Variants in NCOA2 observed in about 807,000 individuals in gnomAD.
The protein encoded by NCOA2 is nuclear receptor coactivator 2.
In NCOA2, 21 loss-of-function variants were observed where a neutral mutation model predicts 145.1. That is an observed-to-expected ratio of 0.14 (90% CI 0.10 to 0.21). The LOEUF is 0.21. Among genes scored for constraint, NCOA2 ranks in the 10% least tolerant of loss-of-function variants. NCOA2 has a pLI of 1.00. For synonymous variants in NCOA2, 619 were observed against 637.5 expected (o/e 0.97, Z 0.44); for missense variants, 1,472 against 1,837.6 (o/e 0.80, Z 3.64).
chr8:70,356,831 A>G (rs895656915), intron 1 of NCOA2, among the ~76,000 whole-genome samples: 2 of 152,200 alleles, frequency 1.3e-5, no homozygotes, highest in African/African-American at 2.4e-5. Context: ...TTTAGCTACC[A>G]AAATATTTGA....
At position 70,165,554 on chromosome 8, in the gene NCOA2, C is replaced by T. The variant is rs1813512936; in HGVS notation, c.730+1012G>A. On this transcript the variant is annotated intron_variant, in intron 7 of 22. Transcript: ENST00000452400. ...TCCCCACGCACAATGCACTCTTCAA[C>T]ACTGCCTTGTATTAGAGTGACACTC... 2.0e-5 allele frequency among the ~76,000 whole-genome samples: 3 copies of T among 152,206 alleles called. 1 individual carries two copies. The highest frequency in any genetic ancestry group is 4.1e-4 in the South Asian group (2 of 4,828).
intron 6 of NCOA2, 46 bp from the exon 7 acceptor site, chr8:70,166,800 A>C: frequency 6.5e-7 from 1 of 1,528,462 alleles, no homozygotes; most frequent in Non-Finnish European, 9.0e-7. Context: ...AACAAACATC[A>C]GATTCATTGC....
intron 1 of NCOA2, among the ~76,000 whole-genome samples, chr8:70,360,366 T>G (rs1810092212): frequency 6.6e-6 from 1 of 152,212 alleles, no homozygotes; most frequent in Admixed American, 6.5e-5. Context: ...CCTTTCAAGT[T>G]AGTGAAGTCC....
chr8:70,282,451 C>T (rs1218546192), intron 2 of NCOA2, among the ~76,000 whole-genome samples: 2 of 152,054 alleles, frequency 1.3e-5, no homozygotes, highest in African/African-American at 2.4e-5. Context: ...TTTGGGAGGC[C>T]GAGACAGGTG....
Position 70,138,245 on chromosome 8 carries a change from C to G in NCOA2, c.3116G>C (p.Ser1039Thr). ...PPNQTAPWPE[S>T]ILPIDQASFA... ...AGACGCCTGGTCTATAGGCAGGATG[C>G]TTTCAGGCCATGGGGCAGTCTGATT... The change falls in exon 15 of 23, where the codon AGC becomes ACC. Residue 1039 changes from serine to threonine, a missense_variant. By Grantham distance (58) the Ser-to-Thr change is moderately conservative (BLOSUM62 1). This residue lies in a region of NCOA2 where 953 missense variants were observed against 1,062.1 expected (regional missense o/e 0.90). Coordinates refer to ENST00000452400, the MANE Select transcript of NCOA2 (RefSeq NM_006540.4). 6.2e-7 allele frequency: 1 copy of G among 1,613,730 alleles called. No homozygotes were observed. The highest frequency in any genetic ancestry group is 8.5e-7 in the Non-Finnish European group (1 of 1,179,748).
chr8:70,178,291 T>C (rs1030222597), intron 4 of NCOA2, among the ~76,000 whole-genome samples: 3 of 152,248 alleles, frequency 2.0e-5, no homozygotes, highest in East Asian at 1.9e-4. Context: ...ACAATTTAAA[T>C]TGGGAGATGA....
intron 1 of NCOA2, among the ~76,000 whole-genome samples, chr8:70,353,962 T>C (rs1045164539): frequency 6.6e-6 from 1 of 152,172 alleles, no homozygotes; most frequent in Non-Finnish European, 1.5e-5. Flanking sequence ...TTAATCTCCC[T>C]AATTGCATGC....
rs555666307 is a variant in NCOA2 at position 70,391,295 on chromosome 8, T to C, written c.-77+12405A>G. Among the ~76,000 whole-genome samples, 6 of 152,362 alleles carry C rather than the reference T, an allele frequency of 3.9e-5. No homozygotes were observed. In the South Asian group the frequency reaches 1.2e-3, roughly 32 times the overall value. On this transcript the variant is annotated intron_variant, in intron 1 of 22. Coordinates refer to ENST00000452400, the MANE Select transcript of NCOA2 (RefSeq NM_006540.4). ...GCTTTCTATTTAGCCAAGGGGGCTG[T>C]AAAATTAAGTGTCTCAATTTCTATC...
At chr8:70,290,938 T>C (rs970972534) in intron 2 of NCOA2, among the ~76,000 whole-genome samples, 1 of 152,218 alleles carries the variant, frequency 6.6e-6, no homozygotes. Context: ...ATAACATACA[T>C]CTGGCATTTG....
At chr8:70,294,416 G>GA (rs1256870025) in intron 2 of NCOA2, among the ~76,000 whole-genome samples, 3 of 152,062 alleles carry the variant, frequency 2.0e-5, no homozygotes, top group Non-Finnish European at 4.4e-5. Context: ...GTTTACAACA[G>GA]AAAAAGGAAT....
At chr8:70,370,428 T>G (rs140673058) in intron 1 of NCOA2, among the ~76,000 whole-genome samples, 79 of 152,328 alleles carry the variant, frequency 5.2e-4, no homozygotes, top group African/African-American at 1.7e-3. Flanking sequence ...TTGACATATT[T>G]ATTTCCTTTC....
At chr8:70,270,243 G>A (rs1461575389) in intron 2 of NCOA2, among the ~76,000 whole-genome samples, 2 of 152,082 alleles carry the variant, frequency 1.3e-5, no homozygotes, top group East Asian at 3.9e-4. Flanking sequence ...GAAGCAGCAT[G>A]ATTTGATGAA....
intron 4 of NCOA2, among the ~76,000 whole-genome samples, chr8:70,202,995 T>C (rs2133591637): frequency 6.6e-6 from 1 of 152,202 alleles, no homozygotes; most frequent in East Asian, 1.9e-4. Context: ...GATCAAGTGG[T>C]GGCTCATGCC....
chr8:70,159,778 G>A, intron 9 of NCOA2, 126 bp from the exon 10 acceptor site: 1 of 802,676 alleles, frequency 1.2e-6, no homozygotes, highest in Non-Finnish European at 1.9e-6. Flanking sequence ...AGCATGTAAA[G>A]AGTTATAAGT....
At chr8:70,207,862 CAAAAAAAAAAAA>C (rs754670876) in intron 4 of NCOA2, among the ~76,000 whole-genome samples, 1 of 36,208 alleles carries the variant, frequency 2.8e-5, no homozygotes, top group South Asian at 1.1e-3. Flanking sequence ...GACTCCACCT[CAAAAAAAAAAAA>C]AAAAAAAAAA....
At chr8:70,383,718 T>C (rs931373033) in intron 1 of NCOA2, among the ~76,000 whole-genome samples, 1 of 152,186 alleles carries the variant, frequency 6.6e-6, no homozygotes, top group African/African-American at 2.4e-5. Context: ...TTGGTCAAGC[T>C]GGTCTCAAAC....
chr8:70,250,392 CAAAAAAAAAAAAAAAAAA>C (rs34008376), intron 2 of NCOA2, among the ~76,000 whole-genome samples: 3 of 49,598 alleles, frequency 6.0e-5, no homozygotes, highest in South Asian at 1.4e-3. Flanking sequence ...GACCCTGTCT[CAAAAAAAAAAAAAAAAAA>C]AAAAAAAAAA....
At chr8:70,146,696 T>C (rs1160251280) in intron 12 of NCOA2, among the ~76,000 whole-genome samples, 2 of 151,918 alleles carry the variant, frequency 1.3e-5, no homozygotes, top group Non-Finnish European at 2.9e-5. Context: ...CTGTCTAGTG[T>C]GTCTGTTTTT....
intron 1 of NCOA2, among the ~76,000 whole-genome samples, chr8:70,359,644 G>A (rs1172532144): frequency 1.3e-5 from 2 of 152,122 alleles, no homozygotes; most frequent in African/African-American, 4.8e-5. Flanking sequence ...GAGAGAGGTG[G>A]TGGTTACAAA....
Sources: gnomAD v4.1 joint callset for allele counts (sites outside exome capture counted in the v4.1 genomes callset) on GRCh38, gnomAD v4.1.1 for gene constraint, gnomAD v4.1.1 regional missense constraint, MANE v1.5 for transcripts, NCBI Gene and HGNC (gene_info 2026-07-23, HGNC 2026-07-21) for gene names.